The following NKAIN2 variants were observed in gnomAD, a reference collection of about 807,000 sequenced individuals.
The protein encoded by NKAIN2 is sodium/potassium transporting ATPase interacting 2.
NKAIN2 carries 14 observed loss-of-function variants against 32.6 expected under a neutral mutation model. The ratio of observed to expected loss-of-function variants is 0.43; its 90% CI spans 0.28 to 0.67. The LOEUF (loss-of-function observed/expected upper bound fraction) is 0.67, where lower values mean the gene tolerates loss of function less well. Among genes scored for constraint, NKAIN2 ranks in the 30% least tolerant of loss-of-function variants. The pLI is 0.17. For synonymous variants in NKAIN2, 80 were observed against 87.2 expected (o/e 0.92, Z 0.46); for missense variants, 198 against 258.3 (o/e 0.77, Z 1.60).
At chr6:124,627,963 A>G (rs1783419892) in intron 3 of NKAIN2, among the ~76,000 whole-genome samples, 1 of 152,054 alleles carries the variant, frequency 6.6e-6, no homozygotes, top group African/African-American at 2.4e-5. Context: ...CTCACGCACA[A>G]ACTCACATGC....
At chr6:123,987,311 T>A (rs1779185172) in intron 1 of NKAIN2, among the ~76,000 whole-genome samples, 1 of 152,204 alleles carries the variant, frequency 6.6e-6, no homozygotes, top group Non-Finnish European at 1.5e-5. Context: ...AGAAAAAGTA[T>A]GTATTGTCTT....
At chr6:124,355,195 T>A in intron 2 of NKAIN2, 72 bp from the exon 3 acceptor site, 2 of 975,004 alleles carry the variant, frequency 2.1e-6, no homozygotes, top group Non-Finnish European at 3.3e-6. Context: ...TGTGCGAAAG[T>A]TCGTTTTATT....
intron 3 of NKAIN2, among the ~76,000 whole-genome samples, chr6:124,362,015 CT>C (rs1422726233): frequency 2.6e-5 from 4 of 152,076 alleles, no homozygotes; most frequent in Non-Finnish European, 4.4e-5. Context: ...ATGCTGTAAT[CT>C]TTTTTTATTT....
chr6:123,852,200 C>G (rs984182766), intron 1 of NKAIN2, among the ~76,000 whole-genome samples: 2 of 152,114 alleles, frequency 1.3e-5, no homozygotes, highest in African/African-American at 2.4e-5. Context: ...CTTATTGAAG[C>G]GACAACATGA....
chr6:123,879,097 A>C (rs886260501), intron 1 of NKAIN2, among the ~76,000 whole-genome samples: 16 of 152,200 alleles, frequency 1.1e-4, no homozygotes, highest in Admixed American at 6.5e-5. Context: ...ACATGCAAAT[A>C]ATTGCATTGA....
At position 124,371,713 on chromosome 6, in the gene NKAIN2, G is replaced by C. The variant is rs114911822; in HGVS notation, c.273+16366G>C. On this transcript the variant is annotated intron_variant, in intron 3 of 6. Coordinates refer to ENST00000368417, the MANE Select transcript of NKAIN2 (RefSeq NM_001040214.3). Reference sequence around the variant, plus strand: ...TGTCTCAAAAAAAAAAAAAAAAAAAGAAAGAAAGGAAAAAAAAGAGTGTAA... The same window carrying C: ...TGTCTCAAAAAAAAAAAAAAAAAAACAAAGAAAGGAAAAAAAAGAGTGTAA... Among the ~76,000 whole-genome samples, 956 of 114,890 alleles carry C rather than the reference G, an allele frequency of 8.3e-3. 9 individuals are homozygous for C. Among genetic ancestry groups the C allele is most frequent in the African/African-American group, 0.027 (928 of 33,954 alleles). The allele number at this position is 114,890 out of a possible 152,430, so 75.4% of individuals were successfully genotyped here. A position where few individuals can be genotyped will look rare whatever the true frequency, so the allele number is the denominator to read the frequency against.
intron 4 of NKAIN2, among the ~76,000 whole-genome samples, chr6:124,695,474 T>C (rs1040449909): frequency 5.9e-5 from 9 of 152,344 alleles, no homozygotes; most frequent in African/African-American, 2.2e-4. Flanking sequence ...ACTCCACTTA[T>C]TGATTTGATT....
At chr6:124,571,299 C>T (rs1339000981) in intron 3 of NKAIN2, among the ~76,000 whole-genome samples, 5 of 152,108 alleles carry the variant, frequency 3.3e-5, no homozygotes, top group African/African-American at 9.7e-5. Context: ...GTTGGGAAGG[C>T]ATGACTGGTT....
chr6:124,430,173 G>T (rs1162965404), intron 3 of NKAIN2, among the ~76,000 whole-genome samples: 4 of 152,102 alleles, frequency 2.6e-5, no homozygotes, highest in African/African-American at 9.7e-5. Flanking sequence ...ACAATATAGA[G>T]AATTTTTCTG....
At chr6:124,129,868 C>T (rs776359545) in intron 1 of NKAIN2, among the ~76,000 whole-genome samples, 2 of 152,144 alleles carry the variant, frequency 1.3e-5, no homozygotes, top group African/African-American at 4.8e-5. Flanking sequence ...ATCTGCCTGC[C>T]TCGCCTCCCA....
At chr6:124,331,655 C>A (rs962034823) in intron 2 of NKAIN2, among the ~76,000 whole-genome samples, 8 of 152,084 alleles carry the variant, frequency 5.3e-5, no homozygotes, top group African/African-American at 1.9e-4. Context: ...CATTTGCTTA[C>A]CTTGTAACAC....
At chr6:124,499,013 C>T (rs1406516165) in intron 3 of NKAIN2, among the ~76,000 whole-genome samples, 2 of 152,154 alleles carry the variant, frequency 1.3e-5, no homozygotes, top group East Asian at 1.9e-4. Context: ...AGTGATCTGC[C>T]GGCCGTGGCC....
chr6:124,782,053 C>A (rs1158120082), intron 4 of NKAIN2, among the ~76,000 whole-genome samples: 1 of 152,092 alleles, frequency 6.6e-6, no homozygotes, highest in Non-Finnish European at 1.5e-5. Flanking sequence ...CATAAAATAC[C>A]TTTTCATAAG....
intron 1 of NKAIN2, among the ~76,000 whole-genome samples, chr6:124,119,340 T>C (rs935880829): frequency 6.6e-6 from 1 of 152,148 alleles, no homozygotes; most frequent in Non-Finnish European, 1.5e-5. Context: ...TAATAAATCA[T>C]GTGCACCTGG....
At chr6:124,216,191 G>C (rs1186442982) in intron 1 of NKAIN2, among the ~76,000 whole-genome samples, 2 of 151,844 alleles carry the variant, frequency 1.3e-5, no homozygotes, top group Non-Finnish European at 2.9e-5. Flanking sequence ...GGGAGAATGG[G>C]AGTATTTAGA....
At chr6:123,987,708 C>T (rs1408590039) in intron 1 of NKAIN2, among the ~76,000 whole-genome samples, 7 of 152,120 alleles carry the variant, frequency 4.6e-5, no homozygotes, top group Admixed American at 3.9e-4. Context: ...GAATTCCTTG[C>T]CATGTGGCTC....
At chr6:123,960,466 C>CAGA (rs1777794148) in intron 1 of NKAIN2, among the ~76,000 whole-genome samples, 1 of 152,172 alleles carries the variant, frequency 6.6e-6, no homozygotes, top group African/African-American at 2.4e-5. Flanking sequence ...GCTTCTTTTT[C>CAGA]CATGTGCTGT....
chr6:124,086,952 C>T (rs956505348), intron 1 of NKAIN2, among the ~76,000 whole-genome samples: 6 of 151,710 alleles, frequency 4.0e-5, no homozygotes, highest in Admixed American at 2.6e-4. Context: ...AAAACCAAAA[C>T]CAGACCAAGA....
At chr6:124,441,432 C>T (rs1450026728) in intron 3 of NKAIN2, among the ~76,000 whole-genome samples, 1 of 152,078 alleles carries the variant, frequency 6.6e-6, no homozygotes, top group Non-Finnish European at 1.5e-5. Flanking sequence ...TTTAGTGACA[C>T]TGGCAGGAGT....
Sources: allele counts gnomAD v4.1 joint callset (sites outside exome capture counted in the v4.1 genomes callset), GRCh38; gene constraint gnomAD v4.1.1; transcripts MANE v1.5; gene names NCBI Gene and HGNC (gene_info 2026-07-23, HGNC 2026-07-21).